Variants in LINGO3 observed in about 807,000 individuals in gnomAD.
LINGO3 encodes the protein leucine rich repeat and Ig domain containing 3.
For synonymous variants in LINGO3, 427 were observed against 444.2 expected (o/e 0.96, Z 0.49); for missense variants, 750 against 867.7 (o/e 0.86, Z 1.70).
chr19:2,291,894 G>A, exon 1 of LINGO3: 1 of 868,170 alleles, frequency 1.2e-6, no homozygotes, highest in Non-Finnish European at 1.8e-6. Flanking sequence ...CCGCCAGCCC[G>A]CCCCTAACCC....
the LINGO3 span, among the ~76,000 whole-genome samples, chr19:2,301,594 G>A: frequency 6.6e-6 from 1 of 152,116 alleles, no homozygotes; most frequent in Non-Finnish European, 1.5e-5. Context: ...GACGGACGGC[G>A]ACGTGCTCAG....
chr19:2,291,047 G>A (rs773822075), exon 1 of LINGO3: 3 of 1,610,202 alleles, frequency 1.9e-6, no homozygotes, highest in South Asian at 2.2e-5. Context: ...TTCAGGCCCC[G>A]CAGGCTGCCC....
At chr19:2,306,022 C>G in the LINGO3 span, among the ~76,000 whole-genome samples, 3 of 152,220 alleles carry the variant, frequency 2.0e-5, no homozygotes, top group South Asian at 4.1e-4. Context: ...GGGGGCCTCC[C>G]GACCCACTTT....
At chr19:2,299,235 G>C in the LINGO3 span, among the ~76,000 whole-genome samples, 9 of 152,106 alleles carry the variant, frequency 5.9e-5, no homozygotes, top group East Asian at 1.5e-3. Context: ...GAGGCAGGAG[G>C]GGGGATCTGG....
chr19:2,306,405 G>C, the LINGO3 span, among the ~76,000 whole-genome samples: 1 of 152,236 alleles, frequency 6.6e-6, no homozygotes, highest in Non-Finnish European at 1.5e-5. Context: ...AGTTCTTCAA[G>C]AGGCTCTACC....
the LINGO3 span, among the ~76,000 whole-genome samples, chr19:2,297,074 A>C: frequency 1.3e-5 from 2 of 151,478 alleles, no homozygotes; most frequent in African/African-American, 2.4e-5. Flanking sequence ...CCTGGGCGAC[A>C]GAGCGAGACT....
At chr19:2,308,102 G>T in the LINGO3 span, among the ~76,000 whole-genome samples, 75 of 145,468 alleles carry the variant, frequency 5.2e-4, no homozygotes, top group African/African-American at 1.8e-3. Context: ...CGGACACGGC[G>T]CGGGCTGCGG....
chr19:2,287,715 C>T (rs2025480027), downstream of LINGO3, among the ~76,000 whole-genome samples: 1 of 152,230 alleles, frequency 6.6e-6, no homozygotes, highest in African/African-American at 2.4e-5. This position sits in a 1 kb window ranked among gnomAD's most constrained non-coding sequence, Gnocchi z 4.5. Flanking sequence ...AGCTCATCTG[C>T]AGGCCTGGCC....
chr19:2,307,103 C>T, the LINGO3 span, among the ~76,000 whole-genome samples: 4 of 152,188 alleles, frequency 2.6e-5, no homozygotes, highest in Non-Finnish European at 5.9e-5. Flanking sequence ...AAGGCTCCCC[C>T]CAGCCAAGCC....
chr19:2,294,319 G>A (rs2025554603), upstream of LINGO3, among the ~76,000 whole-genome samples: 1 of 152,206 alleles, frequency 6.6e-6, no homozygotes, highest in African/African-American at 2.4e-5. The surrounding 1 kb of genome is among the most constrained non-coding windows in gnomAD (Gnocchi z 4.3). Context: ...AGAGCCCCAG[G>A]AAGCCGGGAG....
exon 1 of LINGO3, chr19:2,291,312 C>T (rs930209600): frequency 6.2e-7 from 1 of 1,612,814 alleles, no homozygotes; most frequent in Non-Finnish European, 8.5e-7. Flanking sequence ...CGCCCACTTC[C>T]AGCCGGCGCA....
the LINGO3 span, among the ~76,000 whole-genome samples, chr19:2,306,702 G>A: frequency 6.6e-6 from 1 of 152,160 alleles, no homozygotes. Flanking sequence ...GAAGTCACCG[G>A]TGAAGACCAG....
In LINGO3 at chr19:2,290,747, G is replaced by T. The variant is rs2025510290; in HGVS notation, c.1030C>A (p.Leu344Ile). 2 of 1,612,760 alleles carry T rather than the reference G, an allele frequency of 1.2e-6. No individual in the cohort carries two copies. The highest frequency in any genetic ancestry group is 1.3e-5 in the African/African-American group (1 of 74,936). Residue 344 changes from leucine to isoleucine, a missense_variant, in exon 1 of 1, where the codon CTA becomes ATA. Physicochemically the swap from Leu to Ile is conservative, Grantham distance 5. Coordinates refer to ENST00000585527, the Ensembl canonical transcript of LINGO3. This position sits in a 1 kb window ranked among gnomAD's most constrained non-coding sequence, Gnocchi z 6.0. Reference sequence around the variant, plus strand: ...TTCCCGTCCACGCGCAGCGTCTCTAGCGTGTTCACCGAGTGGAAGGTGCTC... The same window carrying T: ...TTCCCGTCCACGCGCAGCGTCTCTATCGTGTTCACCGAGTGGAAGGTGCTC...
At chr19:2,306,296 T>C in the LINGO3 span, among the ~76,000 whole-genome samples, 1 of 152,048 alleles carries the variant, frequency 6.6e-6, no homozygotes, top group Non-Finnish European at 1.5e-5. Flanking sequence ...AAATCCCAGC[T>C]CCCCACTAGA....
the LINGO3 span, among the ~76,000 whole-genome samples, chr19:2,301,333 C>G: frequency 6.7e-6 from 1 of 149,132 alleles, no homozygotes; most frequent in African/African-American, 2.5e-5. Context: ...GTGGATGACT[C>G]TCTGTCTTGG....
At chr19:2,308,142 A>C in the LINGO3 span, among the ~76,000 whole-genome samples, 32 of 139,664 alleles carry the variant, frequency 2.3e-4, no homozygotes, top group Middle Eastern at 3.8e-3. Context: ...CGACACGAGC[A>C]GCCGCCGCCG....
the LINGO3 span, among the ~76,000 whole-genome samples, chr19:2,305,103 C>G: frequency 6.6e-6 from 1 of 152,114 alleles, no homozygotes; most frequent in Non-Finnish European, 1.5e-5. Context: ...CCACTGCTGT[C>G]ACAGCAGCCA....
downstream of LINGO3, among the ~76,000 whole-genome samples, chr19:2,288,877 G>T (rs73916907): frequency 0.18 from 27,557 of 151,946 alleles, 3,097 homozygotes; most frequent in African/African-American, 0.3. The surrounding 1 kb of genome is among the most constrained non-coding windows in gnomAD (Gnocchi z 6.5). Context: ...CATGTCCCTG[G>T]TGTGAGCTGT....
the LINGO3 span, among the ~76,000 whole-genome samples, chr19:2,304,864 C>T: frequency 3.9e-5 from 6 of 151,994 alleles, no homozygotes; most frequent in South Asian, 6.3e-4. Context: ...TGAGCCACCA[C>T]GTCCGGCTAA....
Sources: allele counts gnomAD v4.1 joint callset (sites outside exome capture counted in the v4.1 genomes callset), GRCh38; gene constraint gnomAD v4.1.1; non-coding constraint Gnocchi (gnomAD v3.1); transcripts MANE v1.5; gene names NCBI Gene and HGNC (gene_info 2026-07-23, HGNC 2026-07-21).